Variants in ME2 observed in about 807,000 individuals in gnomAD.
ME2 encodes NAD-dependent malic enzyme, mitochondrial.
In ME2, 60 loss-of-function variants were observed where a neutral mutation model predicts 73.7. That is an observed-to-expected ratio of 0.81 (90% CI 0.66 to 1.01). The LOEUF is 1.01. Among genes scored for constraint, ME2 ranks in the 50% least tolerant of loss-of-function variants. ME2 has a pLI of 0.00. For missense variants in ME2, 594 were observed against 705.5 expected, an observed-to-expected ratio of 0.84 and a Z score of 1.79; for synonymous variants, 199 against 236.9, an observed-to-expected ratio of 0.84 and a Z score of 1.47.
chr18:50,908,313 G>C, intron 3 of ME2, 117 bp downstream of exon 3: 5 of 655,216 alleles, frequency 7.6e-6, no homozygotes, highest in Non-Finnish European at 1.2e-5. Flanking sequence ...TGTTTTGTCA[G>C]TTAACTACTT....
chr18:50,947,081 A>G lies in ME2; in HGVS notation c.1652A>G (p.Lys551Arg), dbSNP rs1251828166. The G allele has an allele frequency of 1.9e-6, 3 of 1,614,024 alleles. No individual in the cohort carries two copies. Among genetic ancestry groups the G allele is most frequent in the African/African-American group, 2.7e-5 (2 of 74,928 alleles). ...TACCCAGAACCTGAAGACAAGGCCAAATATGTTAAAGAAAGAACATGGCGG... is the reference window on the plus strand; with the variant it reads ...TACCCAGAACCTGAAGACAAGGCCAGATATGTTAAAGAAAGAACATGGCGG... ...FRYPEPEDKA[K>R]YVKERTWRSE... is the part of the protein sequence containing the mutation. The change falls in exon 16 of 16, where the codon AAA becomes AGA. Residue 551 changes from lysine to arginine, a missense_variant. By Grantham distance (26) the Lys-to-Arg change is conservative. Transcript: ENST00000321341.
Position 50,917,508 on chromosome 18 carries a change from CGTGA to C in ME2, c.630+3_630+6del, listed in dbSNP as rs1207263179. 6 of 1,565,858 alleles carry C rather than the reference CGTGA, an allele frequency of 3.8e-6. No homozygotes were observed. The highest frequency in any genetic ancestry group is 1.7e-4 in the Middle Eastern group (1 of 5,878). ...GTATTGATGTGGGAACTGATAATATCGTGAGTAACATCATTTTCCCCCTTTATCT... is the reference window on the plus strand; with the variant it reads ...GTATTGATGTGGGAACTGATAATATCGTAACATCATTTTCCCCCTTTATCT... On this transcript the variant is annotated splice_donor_variant and splice_donor_region_variant and intron_variant, in intron 6 of 15. Coordinates refer to ENST00000321341, the MANE Select transcript of ME2 (RefSeq NM_002396.5). LOFTEE classifies it high-confidence loss of function.
intron 1 of ME2, among the ~76,000 whole-genome samples, chr18:50,892,446 G>A (rs945718239): frequency 2.0e-5 from 3 of 152,168 alleles, no homozygotes; most frequent in Non-Finnish European, 4.4e-5. Flanking sequence ...ACTGTGGATT[G>A]TTTGAGGGGA....
At chr18:50,938,847 T>G (rs1171505674) in intron 13 of ME2, among the ~76,000 whole-genome samples, 2 of 152,036 alleles carry the variant, frequency 1.3e-5, no homozygotes, top group Non-Finnish European at 2.9e-5. Context: ...TGTAGACAAT[T>G]GAGTGAGAGT....
chr18:50,940,450 G>T, intron 15 of ME2, 64 bp downstream of exon 15: 3 of 1,097,116 alleles, frequency 2.7e-6, no homozygotes, highest in Non-Finnish European at 2.7e-6. Context: ...AAGAAATACA[G>T]GTTTATTAAG....
chr18:50,882,702 A>G (rs879943333), intron 1 of ME2, among the ~76,000 whole-genome samples: 1 of 152,130 alleles, frequency 6.6e-6, no homozygotes, highest in African/African-American at 2.4e-5. Flanking sequence ...TAATCCCAGC[A>G]CTTTGGGAGC....
chr18:50,951,958 T>A lies in ME2; in HGVS notation c.*4774T>A, dbSNP rs1918237924. Reference sequence around the variant, plus strand: ...TGGGGTCAGCTCTGGTGAGCCTATGTAATACTCGAGAACATTAATATAAAC... The same window carrying A: ...TGGGGTCAGCTCTGGTGAGCCTATGAAATACTCGAGAACATTAATATAAAC... On this transcript the variant is annotated 3_prime_UTR_variant, in exon 16 of 16. Transcript: ENST00000321341. The A allele has an allele frequency of 6.7e-6, 1 of 148,476 alleles. No homozygotes were observed. The highest frequency in any genetic ancestry group is 1.5e-5 in the Non-Finnish European group (1 of 67,380). The allele number at this position is 148,476 out of a possible 1,614,324, so 9.2% of individuals were successfully genotyped here.
intron 2 of ME2, among the ~76,000 whole-genome samples, chr18:50,900,552 G>C (rs1916864614): frequency 6.6e-6 from 1 of 152,060 alleles, no homozygotes; most frequent in African/African-American, 2.4e-5. Flanking sequence ...AAAGTGCTGG[G>C]ATTACAGGCG....
chr18:50,939,760 T>C (rs777381599), intron 14 of ME2, 120 bp downstream of exon 14: 6 of 651,438 alleles, frequency 9.2e-6, no homozygotes, highest in Non-Finnish European at 1.3e-5. Context: ...AGGAAGTTAC[T>C]CAAATTACTT....
chr18:50,937,703 G>A (rs1356493256), intron 13 of ME2, among the ~76,000 whole-genome samples: 1 of 151,768 alleles, frequency 6.6e-6, no homozygotes, highest in African/African-American at 2.4e-5. Flanking sequence ...AAAATAGAAA[G>A]CAAAACAAGC....
At chr18:50,927,549 A>C (rs1445479371) in intron 12 of ME2, among the ~76,000 whole-genome samples, 1 of 151,418 alleles carries the variant, frequency 6.6e-6, no homozygotes, top group African/African-American at 2.4e-5. Context: ...AAATACAAAA[A>C]AAATTAGCCA....
intron 2 of ME2, among the ~76,000 whole-genome samples, chr18:50,896,287 A>G (rs1294782110): frequency 2.6e-5 from 4 of 152,210 alleles, no homozygotes; most frequent in Admixed American, 6.5e-5. Flanking sequence ...CTAATCAGTT[A>G]GGCCCTTGGA....
chr18:50,903,608 C>A (rs1916941600), intron 2 of ME2, among the ~76,000 whole-genome samples: 1 of 152,084 alleles, frequency 6.6e-6, no homozygotes, highest in African/African-American at 2.4e-5. Flanking sequence ...TGCCACCACA[C>A]CTGGCTAATT....
At chr18:50,920,337 G>T in intron 7 of ME2, 119 bp from the exon 8 acceptor site, 2 of 648,052 alleles carry the variant, frequency 3.1e-6, no homozygotes, top group Non-Finnish European at 5.1e-6. Flanking sequence ...TTTTTCAGAT[G>T]GCCTTAATTG....
At chr18:50,938,076 C>T (rs1476864402) in intron 13 of ME2, among the ~76,000 whole-genome samples, 4 of 152,126 alleles carry the variant, frequency 2.6e-5, no homozygotes, top group Non-Finnish European at 5.9e-5. Context: ...GCCTGTAATC[C>T]CAGCACTTTG....
chr18:50,906,230 G>C (rs544263533), intron 2 of ME2, among the ~76,000 whole-genome samples: 6 of 152,216 alleles, frequency 3.9e-5, no homozygotes, highest in African/African-American at 1.4e-4. Context: ...TTTTAAATAA[G>C]GTAGCAGTTC....
At chr18:50,921,643 G>A (rs1917433151) in intron 10 of ME2, among the ~76,000 whole-genome samples, 1 of 152,012 alleles carries the variant, frequency 6.6e-6, no homozygotes, top group South Asian at 2.1e-4. Flanking sequence ...GTGGTGCGAT[G>A]TCACCTCGCT....
chr18:50,940,186 A>G (rs572009265), intron 14 of ME2, 102 bp from the exon 15 acceptor site: 369 of 776,788 alleles, frequency 4.8e-4, no homozygotes, highest in Non-Finnish European at 3.6e-4. Context: ...GAGGAATTAT[A>G]TTACCTGTTT....
At chr18:50,930,285 G>C (rs933317864) in intron 12 of ME2, among the ~76,000 whole-genome samples, 2 of 152,052 alleles carry the variant, frequency 1.3e-5, no homozygotes, top group Non-Finnish European at 2.9e-5. Context: ...AAAAGAGCAT[G>C]GTGTCATAGT....
Sources: gnomAD v4.1 joint callset for allele counts (sites outside exome capture counted in the v4.1 genomes callset) on GRCh38, gnomAD v4.1.1 for gene constraint, MANE v1.5 for transcripts, NCBI Gene and HGNC (gene_info 2026-07-23, HGNC 2026-07-21) for gene names.